The following PROM2 variants were observed in gnomAD, a reference collection of about 807,000 sequenced individuals.
PROM2 encodes the protein prominin-2.
Under a neutral mutation model 110.2 loss-of-function variants are expected in PROM2, and 90 were observed. That is an observed-to-expected ratio of 0.82 (90% CI 0.69 to 0.97). The LOEUF (loss-of-function observed/expected upper bound fraction) is 0.97. Among genes scored for constraint, PROM2 ranks in the 50% least tolerant of loss-of-function variants. The pLI is 0.00. For synonymous variants in PROM2, 470 were observed against 467.8 expected, an observed-to-expected ratio of 1.00 and a Z score of -0.06; for missense variants, 1,009 against 1,074.8, an observed-to-expected ratio of 0.94 and a Z score of 0.86.
chr2:95,282,374 G>C (rs757880946), intron 14 of PROM2, 148 bp downstream of exon 14: 11 of 714,074 alleles, frequency 1.5e-5, no homozygotes, highest in Non-Finnish European at 2.4e-5. Context: ...CAGAGGCCCA[G>C]TTATCAGCTC....
rs150339536 is a variant in PROM2, at chr2:95,287,092, G to A, written c.2095-41G>A. On this transcript the variant is annotated intron_variant, in intron 18 of 23. Transcript: ENST00000317620. ...GTGTGTTGAATTAATGAATGGATGCGTGAATGTGGGACACTGAGTTGAGGC... is the reference window on the plus strand; with the variant it reads ...GTGTGTTGAATTAATGAATGGATGCATGAATGTGGGACACTGAGTTGAGGC... 1,846 of 1,556,640 alleles carry A rather than the reference G, an allele frequency of 1.2e-3. 16 individuals are homozygous for A. In the African/African-American group the frequency reaches 0.021, roughly 18 times the overall value.
Position 95,289,305 on chromosome 2 carries a change from C to T in PROM2, c.*92C>T. On this transcript the variant is annotated 3_prime_UTR_variant, in exon 24 of 24. Transcript: ENST00000317620. ...ACTTCGGTAGCTCTTGCCCCAGAGC[C>T]CAGGCTGGCATCCAGGCCTGGACTG... The T allele has an allele frequency of 4.4e-6, 2 of 457,038 alleles. No homozygotes were observed. The highest frequency in any genetic ancestry group is 8.1e-6 in the Non-Finnish European group (2 of 247,414). 28.3% of individuals were successfully genotyped at this position (457,038 alleles called of 1,614,324 possible).
In PROM2 at chr2:95,276,193, A is replaced by C. The variant is rs755960049; in HGVS notation, c.498-34A>C. On this transcript the variant is annotated intron_variant, in intron 3 of 23. Transcript: ENST00000317620. This position sits in a 1 kb window ranked among gnomAD's most constrained non-coding sequence, Gnocchi z 4.6. ...GTGGCCCCCAGGCTCCCTCTTACCC[A>C]GCAAGCACCTTCCTCCTCCCTCCAT... The C allele has an allele frequency of 1.2e-6, 2 of 1,613,504 alleles. No homozygotes were observed. Among genetic ancestry groups the C allele is most frequent in the Non-Finnish European group, 1.7e-6 (2 of 1,179,776 alleles).
intron 17 of PROM2, 95 bp downstream of exon 17, chr2:95,286,666 C>T (rs1677377329): frequency 3.6e-6 from 2 of 558,522 alleles, no homozygotes; most frequent in East Asian, 5.8e-5. Flanking sequence ...AGTCCCTTCC[C>T]TCCCCTCCTC....
intron 1 of PROM2, 167 bp downstream of exon 1, chr2:95,274,996 T>TGTGG: frequency 7.2e-6 from 6 of 832,800 alleles, no homozygotes; most frequent in Non-Finnish European, 1.1e-5. Flanking sequence ...GCTGTGTGAC[T>TGTGG]GTGGGTAAGC....
At chr2:95,287,093 T>C (rs1677406694) in intron 18 of PROM2, 40 bp from the exon 19 acceptor site, 1 of 1,562,990 alleles carries the variant, frequency 6.4e-7, no homozygotes, top group African/African-American at 1.4e-5. Context: ...AATGGATGCG[T>C]GAATGTGGGA....
Position 95,286,358 on chromosome 2 carries a change from G to A in PROM2, c.1948-121G>A, listed in dbSNP as rs1313406048. On this transcript the variant is annotated intron_variant, in intron 16 of 23. Transcript: ENST00000317620. The stretch of plus-strand genomic sequence containing the variant: ...AGATCAGGCCCTGGAGCTTAAGGAG[G>A]CCTCAGTTTTCTGCCTCTGAGCCCA... 6.6e-6 allele frequency: 5 copies of A among 754,432 alleles called. No individual in the cohort carries two copies. The Admixed American group carries it at 9.8e-5, about 15-fold the overall frequency. 46.7% of individuals were successfully genotyped at this position (754,432 alleles called of 1,614,324 possible). A position where few individuals can be genotyped will look rare whatever the true frequency, so the allele number is the denominator to read the frequency against.
intron 17 of PROM2, 61 bp from the exon 18 acceptor site, chr2:95,286,742 TC>T (rs1258573903): frequency 6.2e-6 from 6 of 965,580 alleles, no homozygotes; most frequent in Non-Finnish European, 9.0e-6. Context: ...TCCACTTTCC[TC>T]CCCTCTCCTC....
chr2:95,276,766 C>A lies in PROM2; in HGVS notation c.682+109C>A. 1.5e-6 allele frequency: 2 copies of A among 1,309,712 alleles called. No homozygotes were observed. Among genetic ancestry groups the A allele is most frequent in the Non-Finnish European group, 2.2e-6 (2 of 924,226 alleles). 81.1% of individuals were successfully genotyped at this position (1,309,712 alleles called of 1,614,324 possible). On this transcript the variant is annotated intron_variant, in intron 5 of 23. Transcript: ENST00000317620. This position sits in a 1 kb window ranked among gnomAD's most constrained non-coding sequence, Gnocchi z 4.6. ...CATTCTGGACACCCCCGGGAACAGG[C>A]TGGTAGAGGTGGGGATCAGGCCGGC...
At chr2:95,284,177 A>G (rs995794733) in intron 14 of PROM2, among the ~76,000 whole-genome samples, 12 of 152,124 alleles carry the variant, frequency 7.9e-5, no homozygotes, top group Admixed American at 6.5e-4. Flanking sequence ...CTGCTGTGTG[A>G]GTCTGTTCTT....
Position 95,290,697 on chromosome 2 carries a change from T to C in PROM2, c.*1484T>C, listed in dbSNP as rs1162344444. ...AAGCTGCCTATTATTATTGTCGTTG[T>C]TGTTGTTTGCCATGACTGCTCTGGG... On this transcript the variant is annotated 3_prime_UTR_variant, in exon 24 of 24. Transcript: ENST00000317620. The C allele has an allele frequency of 6.6e-6, 1 of 152,250 alleles. No individual in the cohort carries two copies. The highest frequency in any genetic ancestry group is 1.5e-5 in the Non-Finnish European group (1 of 68,060). The allele number at this position is 152,250 out of a possible 1,614,324, so 9.4% of individuals were successfully genotyped here. A position where few individuals can be genotyped will look rare whatever the true frequency, so the allele number is the denominator to read the frequency against.
chr2:95,285,185 C>T, intron 15 of PROM2, 70 bp downstream of exon 15: 1 of 1,440,166 alleles, frequency 6.9e-7, no homozygotes, highest in African/African-American at 1.4e-5. Context: ...CACAGAGGAG[C>T]TGGGTGTGCA....
At chr2:95,287,323 G>C (rs899480872) in intron 19 of PROM2, 73 bp from the exon 20 acceptor site, 6 of 1,572,968 alleles carry the variant, frequency 3.8e-6, no homozygotes, top group African/African-American at 1.4e-5. Flanking sequence ...TGCCAGGCAT[G>C]GGGGGTGGCG....
chr2:95,278,815 A>T, intron 9 of PROM2, 31 bp downstream of exon 9: 1 of 1,613,830 alleles, frequency 6.2e-7, no homozygotes, highest in South Asian at 1.1e-5. Context: ...GGCAGCTGCC[A>T]GGCATGGCTT....
intron 10 of PROM2, 116 bp downstream of exon 10, chr2:95,279,260 CCT>C: frequency 1.3e-6 from 1 of 788,378 alleles, no homozygotes; most frequent in South Asian, 2.8e-5. Flanking sequence ...CTGTACTGAG[CCT>C]CTGTGTTTTT....
Position 95,275,807 on chromosome 2 carries a change from A to T in PROM2, c.295-123A>T, listed in dbSNP as rs1351763265. The T allele has an allele frequency of 2.0e-6, 3 of 1,508,390 alleles. No individual in the cohort carries two copies. Among genetic ancestry groups the T allele is most frequent in the African/African-American group, 1.4e-5 (1 of 72,706 alleles). 93.4% of individuals were successfully genotyped at this position (1,508,390 alleles called of 1,614,324 possible). On this transcript the variant is annotated intron_variant, in intron 2 of 23. Transcript: ENST00000317620. This position sits in a 1 kb window ranked among gnomAD's most constrained non-coding sequence, Gnocchi z 4.4. Reference sequence around the variant, plus strand: ...TGCGGTCACCTCTGGGACGGGTTCCATGAGATGCAGGCCATGCCCCTGACG... The same window carrying T: ...TGCGGTCACCTCTGGGACGGGTTCCTTGAGATGCAGGCCATGCCCCTGACG...
intron 19 of PROM2, 74 bp downstream of exon 19, chr2:95,287,287 C>T: frequency 6.3e-7 from 1 of 1,575,688 alleles, no homozygotes. Context: ...CTGTGGCTCC[C>T]AGGAAAGCTG....
chr2:95,278,149 C>A, intron 8 of PROM2, 145 bp downstream of exon 8: 1 of 669,800 alleles, frequency 1.5e-6, no homozygotes, highest in Non-Finnish European at 2.6e-6. Context: ...CTCCCGACGA[C>A]CATCCTTGGT....
At chr2:95,279,649 A>G (rs1254787711) in intron 10 of PROM2, among the ~76,000 whole-genome samples, 196 bp from the exon 11 acceptor site, 5 of 152,090 alleles carry the variant, frequency 3.3e-5, no homozygotes, top group African/African-American at 4.8e-5. Context: ...CCAAGTCCCT[A>G]TGAGGCTGTG....
Sources: gnomAD v4.1 joint callset for allele counts (sites outside exome capture counted in the v4.1 genomes callset) on GRCh38, gnomAD v4.1.1 for gene constraint, Gnocchi (gnomAD v3.1) non-coding constraint, MANE v1.5 for transcripts, NCBI Gene and HGNC (gene_info 2026-07-23, HGNC 2026-07-21) for gene names.